Variants in GALNTL6 observed in about 807,000 individuals in gnomAD.
The protein encoded by GALNTL6 is polypeptide N-acetylgalactosaminyltransferase-like 6.
A neutral mutation model predicts 73.7 loss-of-function variants in GALNTL6; 46 were observed. The ratio of observed to expected loss-of-function variants is 0.62; its 90% CI spans 0.49 to 0.80. The LOEUF (loss-of-function observed/expected upper bound fraction) is 0.80, where lower values mean the gene tolerates loss of function less well. Ranked by LOEUF, GALNTL6 falls within the 30% of genes least tolerant of loss-of-function variation. The probability of loss-of-function intolerance (pLI) is 0.00; values close to 1 mark genes in which losing one functional copy is unlikely to be tolerated. For missense variants in GALNTL6, 604 were observed against 755.0 expected (o/e 0.80, Z 2.34); for synonymous variants, 259 against 263.7 (o/e 0.98, Z 0.17).
chr4:171,986,292 C>T (rs1022775493), intron 2 of GALNTL6, among the ~76,000 whole-genome samples: 12 of 150,910 alleles, frequency 8.0e-5, no homozygotes, highest in Admixed American at 3.3e-4. Flanking sequence ...TGTTCTCTGG[C>T]GGGCAGAGTG....
chr4:171,828,466 T>C (rs1156600401), intron 2 of GALNTL6, among the ~76,000 whole-genome samples: 1 of 152,070 alleles, frequency 6.6e-6, no homozygotes, highest in Non-Finnish European at 1.5e-5. Flanking sequence ...CAAGACAAAG[T>C]AGAGTTGTTT....
At chr4:172,666,377 A>C (rs772549100) in intron 5 of GALNTL6, among the ~76,000 whole-genome samples, 3 of 152,222 alleles carry the variant, frequency 2.0e-5, no homozygotes, top group Non-Finnish European at 2.9e-5. Flanking sequence ...TTGTGTTAAA[A>C]ACTGGGGAAG....
intron 5 of GALNTL6, among the ~76,000 whole-genome samples, chr4:172,711,503 G>A (rs971308890): frequency 6.6e-6 from 1 of 152,104 alleles, no homozygotes; most frequent in Non-Finnish European, 1.5e-5. Flanking sequence ...TGGCTTTTGG[G>A]TGAATATAAA....
At chr4:171,969,888 G>A (rs1560864475) in intron 2 of GALNTL6, among the ~76,000 whole-genome samples, 1 of 151,708 alleles carries the variant, frequency 6.6e-6, no homozygotes, top group Non-Finnish European at 1.5e-5. Context: ...TCATGCCTCA[G>A]CCTCCCAAAT....
intron 2 of GALNTL6, among the ~76,000 whole-genome samples, chr4:171,970,324 G>C (rs1486804118): frequency 1.3e-5 from 2 of 152,116 alleles, no homozygotes; most frequent in Non-Finnish European, 2.9e-5. Context: ...GCTGGACCAA[G>C]CATTTGGTGA....
chr4:172,621,040 C>G (rs1738932297), intron 5 of GALNTL6, among the ~76,000 whole-genome samples: 1 of 152,178 alleles, frequency 6.6e-6, no homozygotes, highest in East Asian at 1.9e-4. Flanking sequence ...CTCTTGTGAA[C>G]TGAGAAGCTC....
At chr4:171,879,997 T>C (rs1242511236) in intron 2 of GALNTL6, among the ~76,000 whole-genome samples, 1 of 152,204 alleles carries the variant, frequency 6.6e-6, no homozygotes, top group Non-Finnish European at 1.5e-5. Flanking sequence ...TTGAGGCCTA[T>C]CTCAATGGTG....
chr4:172,570,938 A>G (rs1736735330), intron 5 of GALNTL6, among the ~76,000 whole-genome samples: 1 of 152,124 alleles, frequency 6.6e-6, no homozygotes, highest in South Asian at 2.1e-4. Context: ...AGCAGTTCAC[A>G]GTAGGGTTTG....
intron 5 of GALNTL6, among the ~76,000 whole-genome samples, chr4:172,476,601 C>T (rs1046601411): frequency 3.3e-5 from 5 of 152,238 alleles, no homozygotes; most frequent in Non-Finnish European, 5.9e-5. Flanking sequence ...ACCGCGTCAT[C>T]GTATGACCAG....
chr4:172,506,251 C>A lies in GALNTL6; in HGVS notation c.553+157562C>A, dbSNP rs1734385689. Among the ~76,000 whole-genome samples the A allele has an allele frequency of 3.7e-5, 2 of 54,258 alleles. 1 individual carries two copies. The allele number at this position is 54,258 out of a possible 152,430, so 35.6% of individuals were successfully genotyped here. ...ATGTCTCCATGAAGAGCTGTCTCAA[C>A]AAAGAATGCAGTTTCCACATCCTGA... On this transcript the variant is annotated intron_variant, in intron 5 of 12. Coordinates refer to ENST00000506823, the MANE Select transcript of GALNTL6 (RefSeq NM_001034845.3).
At chr4:172,808,269 G>A (rs17058922) in intron 5 of GALNTL6, among the ~76,000 whole-genome samples, 7,420 of 152,306 alleles carry the variant, frequency 0.049, 295 homozygotes, top group African/African-American at 0.11. Context: ...GAACCTCTGT[G>A]CACGGAGAAA....
intron 2 of GALNTL6, among the ~76,000 whole-genome samples, chr4:172,064,503 G>A (rs76025568): frequency 0.034 from 5,170 of 152,266 alleles, 220 homozygotes; most frequent in Admixed American, 0.13. Flanking sequence ...GTGGGAGGCA[G>A]GAGGAGGTTA....
chr4:172,371,504 G>A (rs1056709306), intron 5 of GALNTL6, among the ~76,000 whole-genome samples: 1 of 152,158 alleles, frequency 6.6e-6, no homozygotes, highest in Non-Finnish European at 1.5e-5. Flanking sequence ...AGGGTACACT[G>A]TTTTTTCTTT....
chr4:172,112,158 T>C (rs1342463260), intron 2 of GALNTL6, among the ~76,000 whole-genome samples: 1 of 152,206 alleles, frequency 6.6e-6, no homozygotes, highest in East Asian at 1.9e-4. Flanking sequence ...TATTTAGCCT[T>C]TTCAGATTAG....
chr4:171,856,126 G>C (rs1332089424), intron 2 of GALNTL6, among the ~76,000 whole-genome samples: 1 of 151,906 alleles, frequency 6.6e-6, no homozygotes. Context: ...GTTTTGAGAC[G>C]GAGTCTTGCT....
intron 2 of GALNTL6, among the ~76,000 whole-genome samples, chr4:172,154,041 TTTC>T (rs1158626639): frequency 7.3e-6 from 1 of 136,264 alleles, no homozygotes; most frequent in East Asian, 2.4e-4. Flanking sequence ...TTTTGAGGTT[TTTC>T]TTCTTTTTTT....
intron 3 of GALNTL6, among the ~76,000 whole-genome samples, chr4:172,270,152 C>T (rs1387205182): frequency 6.6e-6 from 1 of 151,740 alleles, no homozygotes; most frequent in Non-Finnish European, 1.5e-5. Flanking sequence ...GATTTCCACT[C>T]CTTTTACTTC....
chr4:172,973,769 G>A (rs892243918), intron 10 of GALNTL6, among the ~76,000 whole-genome samples: 1 of 152,030 alleles, frequency 6.6e-6, no homozygotes, highest in African/African-American at 2.4e-5. Flanking sequence ...TCCTCTCTTT[G>A]CCTACCACTT....
Position 172,248,360 on chromosome 4 carries a change from C to A in GALNTL6, c.247+18596C>A, listed in dbSNP as rs541247780. On this transcript the variant is annotated intron_variant, in intron 3 of 12. Transcript: ENST00000506823. The stretch of plus-strand genomic sequence containing the variant: ...TAGCAGAGCTCTGTCTAGTATGAAG[C>A]TAGCTTTTTTCTGTCTTAGAATGTT... Among the ~76,000 whole-genome samples the A allele has an allele frequency of 7.9e-4, 121 of 152,236 alleles. 1 individual carries two copies. Among genetic ancestry groups the A allele is most frequent in the African/African-American group, 2.8e-3 (117 of 41,536 alleles).
Sources: allele counts gnomAD v4.1 joint callset (sites outside exome capture counted in the v4.1 genomes callset), GRCh38; gene constraint gnomAD v4.1.1; transcripts MANE v1.5; gene names NCBI Gene and HGNC (gene_info 2026-07-23, HGNC 2026-07-21).